The following DCPS variants were observed in gnomAD, a reference collection of about 807,000 sequenced individuals.
DCPS encodes m7GpppX diphosphatase.
DCPS carries 27 observed loss-of-function variants against 34.7 expected under a neutral mutation model. The observed-to-expected ratio is 0.78, with a 90% confidence interval of 0.57 to 1.07. DCPS has a LOEUF of 1.07. Ranked by LOEUF, DCPS falls within the 50% of genes least tolerant of loss-of-function variation. DCPS has a pLI of 0.00. For missense variants in DCPS, 464 were observed against 436.9 expected (o/e 1.06, Z -0.55); for synonymous variants, 185 against 185.7 (o/e 1.00, Z 0.03).
In DCPS at chr11:126,338,243, T is replaced by C; in HGVS notation, c.523-43T>C. 2 of 1,581,732 alleles carry C rather than the reference T, an allele frequency of 1.3e-6. No individual in the cohort carries two copies. The highest frequency in any genetic ancestry group is 1.3e-5 in the African/African-American group (1 of 74,314). On this transcript the variant is annotated intron_variant, in intron 3 of 5. Transcript: ENST00000263579. The surrounding 1 kb of genome is among the most constrained non-coding windows in gnomAD (Gnocchi z 5.4). ...TCAGTTTGGGGTATCTCTCAAGGGG[T>C]GATGAGTGGATTTGTGAACCATCTC...
intron 2 of DCPS, among the ~76,000 whole-genome samples, chr11:126,317,509 A>G (rs1038093047): frequency 2.7e-5 from 4 of 150,752 alleles, no homozygotes; most frequent in African/African-American, 9.8e-5. Context: ...TTCCTCTGGG[A>G]TCTGGTTGTT....
At chr11:126,316,086 C>A (rs1328195176) in intron 2 of DCPS, among the ~76,000 whole-genome samples, 1 of 151,982 alleles carries the variant, frequency 6.6e-6, no homozygotes. Context: ...AATCATGCTG[C>A]TTTTTAGTTT....
At chr11:126,341,177 C>T (rs1282323688) in intron 4 of DCPS, 1 of 152,186 alleles carries the variant, frequency 6.6e-6, no homozygotes, top group African/African-American at 2.4e-5. Flanking sequence ...TTTGAGTCAC[C>T]CCAGAGGTTA....
rs1017851717 is a variant in DCPS at position 126,348,237 on chromosome 11, C to T, written c.*2624C>T. Among the ~76,000 whole-genome samples, 7 of 152,308 alleles carry T rather than the reference C, an allele frequency of 4.6e-5. No individual in the cohort carries two copies. Among genetic ancestry groups the T allele is most frequent in the East Asian group, 3.9e-4 (2 of 5,184 alleles). Reference sequence around the variant, plus strand: ...ACACTCTGGAAGGTTTCTCGACTCCCCCGAGGGGCTGGCCAGTTCTGTCTT... The same window carrying T: ...ACACTCTGGAAGGTTTCTCGACTCCTCCGAGGGGCTGGCCAGTTCTGTCTT... On this transcript the variant is annotated 3_prime_UTR_variant, in exon 6 of 6. Transcript: ENST00000263579. This position sits in a 1 kb window ranked among gnomAD's most constrained non-coding sequence, Gnocchi z 5.3.
chr11:126,304,678 C>T (rs1951548601), intron 1 of DCPS, among the ~76,000 whole-genome samples: 1 of 152,178 alleles, frequency 6.6e-6, no homozygotes, highest in Non-Finnish European at 1.5e-5. Context: ...GATGTGATCT[C>T]TGCCTTACGC....
In DCPS at chr11:126,319,361, A is replaced by G. The variant is rs1335109270; in HGVS notation, c.377-12044A>G. On this transcript the variant is annotated intron_variant, in intron 2 of 5. Coordinates refer to ENST00000263579, the MANE Select transcript of DCPS (RefSeq NM_014026.6). This position sits in a 1 kb window ranked among gnomAD's most constrained non-coding sequence, Gnocchi z 4.5. ...ACCACAAATGTAGGCCAAAACAGCT[A>G]TTGTTTCTAGTTGTGAGCCAGTCTG... Among the ~76,000 whole-genome samples the G allele has an allele frequency of 1.3e-5, 2 of 152,016 alleles. No homozygotes were observed. The highest frequency in any genetic ancestry group is 2.9e-5 in the Non-Finnish European group (2 of 68,008).
At chr11:126,309,704 C>T (rs1565371099) in intron 2 of DCPS, among the ~76,000 whole-genome samples, 1 of 152,128 alleles carries the variant, frequency 6.6e-6, no homozygotes, top group Non-Finnish European at 1.5e-5. Context: ...GAAGTCGCAG[C>T]GGTTTGCTTC....
Position 126,338,502 on chromosome 11 carries a change from T to C in DCPS, c.636+103T>C, listed in dbSNP as rs1951852751. 1 of 1,072,512 alleles carries C rather than the reference T, an allele frequency of 9.3e-7. No homozygotes were observed. The highest frequency in any genetic ancestry group is 1.4e-6 in the Non-Finnish European group (1 of 704,632). 66.4% of individuals were successfully genotyped at this position (1,072,512 alleles called of 1,614,324 possible). ...TCACGCTGGCCTGTCTCTAAGCAGATTATAATTAACCAACAAGGGTTGGCC... is the reference window on the plus strand; with the variant it reads ...TCACGCTGGCCTGTCTCTAAGCAGACTATAATTAACCAACAAGGGTTGGCC... On this transcript the variant is annotated intron_variant, in intron 4 of 5. Coordinates refer to ENST00000263579, the MANE Select transcript of DCPS (RefSeq NM_014026.6). This position sits in a 1 kb window ranked among gnomAD's most constrained non-coding sequence, Gnocchi z 5.4.
Position 126,337,959 on chromosome 11 carries a change from C to T in DCPS, c.523-327C>T. Reference sequence around the variant, plus strand: ...TGGAGGGGGTCACTGCTATAGAGGGCAGACACAGCCTGGGTTTGGAGGCCT... The same window carrying T: ...TGGAGGGGGTCACTGCTATAGAGGGTAGACACAGCCTGGGTTTGGAGGCCT... On this transcript the variant is annotated intron_variant, in intron 3 of 5. Transcript: ENST00000263579. The surrounding 1 kb of genome is among the most constrained non-coding windows in gnomAD (Gnocchi z 5.3). 1 of 323,954 alleles carries T rather than the reference C, an allele frequency of 3.1e-6. No homozygotes were observed. The allele number at this position is 323,954 out of a possible 1,614,324, so 20.1% of individuals were successfully genotyped here.
In DCPS at chr11:126,312,030, G is replaced by C. The variant is rs1026369737; in HGVS notation, c.376+5286G>C. On this transcript the variant is annotated intron_variant, in intron 2 of 5. Coordinates refer to ENST00000263579, the MANE Select transcript of DCPS (RefSeq NM_014026.6). The surrounding 1 kb of genome is among the most constrained non-coding windows in gnomAD (Gnocchi z 5.1). Reference sequence around the variant, plus strand: ...ACTGCAACCCCTGCCTCCCGGGTTCGAGTGATTCTCCAGCCTCAGCCTCCC... The same window carrying C: ...ACTGCAACCCCTGCCTCCCGGGTTCCAGTGATTCTCCAGCCTCAGCCTCCC... Among the ~76,000 whole-genome samples the C allele has an allele frequency of 1.3e-5, 2 of 151,222 alleles. No individual in the cohort carries two copies. The highest frequency in any genetic ancestry group is 4.9e-5 in the African/African-American group (2 of 41,126).
At chr11:126,318,659 T>C (rs1381659191) in intron 2 of DCPS, among the ~76,000 whole-genome samples, 3 of 152,224 alleles carry the variant, frequency 2.0e-5, no homozygotes, top group African/African-American at 7.2e-5. Context: ...ACTCAGATCA[T>C]GCATTGCTGT....
intron 2 of DCPS, among the ~76,000 whole-genome samples, chr11:126,330,711 ATATATATATTTTTTTTTTTTTT>A (rs1448602893): frequency 0.018 from 443 of 25,146 alleles, no homozygotes; most frequent in Non-Finnish European, 0.023. Context: ...ATATATATAT[ATATATATATTTTTTTTTTTTTT>A]TTTTTTTTTT....
rs1422276168 is a variant in DCPS, at chr11:126,322,785, G to C, written c.377-8620G>C. ...TTTTTTTTATTTTTAGTAGAGACGG[G>C]GTTTCACCATGTTGGCCAGTCTATC... On this transcript the variant is annotated intron_variant, in intron 2 of 5. Transcript: ENST00000263579. The surrounding 1 kb of genome is among the most constrained non-coding windows in gnomAD (Gnocchi z 4.2). Among the ~76,000 whole-genome samples, 2 of 152,016 alleles carry C rather than the reference G, an allele frequency of 1.3e-5. No individual in the cohort carries two copies. The highest frequency in any genetic ancestry group is 2.9e-5 in the Non-Finnish European group (2 of 67,996).
intron 2 of DCPS, among the ~76,000 whole-genome samples, chr11:126,330,511 T>G (rs561019039): frequency 6.6e-6 from 1 of 151,572 alleles, no homozygotes; most frequent in African/African-American, 2.4e-5. Context: ...GATGAAGAAG[T>G]AGGGGCACCA....
intron 2 of DCPS, among the ~76,000 whole-genome samples, chr11:126,321,962 G>C (rs1370254537): frequency 6.6e-6 from 1 of 152,158 alleles, no homozygotes; most frequent in Non-Finnish European, 1.5e-5. Flanking sequence ...AGATAAGAAA[G>C]TCAGACGCTG....
Position 126,337,100 on chromosome 11 carries a change from C to G in DCPS, c.523-1186C>G, listed in dbSNP as rs1951838333. On this transcript the variant is annotated intron_variant, in intron 3 of 5. Transcript: ENST00000263579. The surrounding 1 kb of genome is among the most constrained non-coding windows in gnomAD (Gnocchi z 5.3). ...TGCCTCTAGCCTTCGGTGATGCTAC[C>G]TGTCCAGCACTTCTGGGAGTGGAAG... is the stretch of plus-strand genomic sequence containing the variant. 1 of 152,230 alleles carries G rather than the reference C, an allele frequency of 6.6e-6. No homozygotes were observed. The highest frequency in any genetic ancestry group is 1.5e-5 in the Non-Finnish European group (1 of 68,052). 9.4% of individuals were successfully genotyped at this position (152,230 alleles called of 1,614,324 possible).
At position 126,306,625 on chromosome 11, in the gene DCPS, A is replaced by T. The variant is rs1440295272; in HGVS notation, c.257A>T (p.Lys86Met). The change falls in exon 2 of 6, where the codon AAG (lysine) becomes ATG (methionine). Residue 86 changes from lysine (K) to methionine (M), a missense_variant. By Grantham distance (95) the Lys-to-Met change is moderately conservative. Transcript: ENST00000263579. ...GAGGATGCCGTTGTGATCCTGGAGAAGACGCCATTTCAGGTGGAACAGGTG... is the reference window on the plus strand; with the variant it reads ...GAGGATGCCGTTGTGATCCTGGAGATGACGCCATTTCAGGTGGAACAGGTG... ...DGEDAVVILE[K>M]TPFQVEQVAQ... The T allele has an allele frequency of 1.9e-6, 3 of 1,613,886 alleles. No individual in the cohort carries two copies. The highest frequency in any genetic ancestry group is 2.5e-6 in the Non-Finnish European group (3 of 1,179,878).
In DCPS at chr11:126,349,311, G is replaced by C. The variant is rs1174050631; in HGVS notation, c.*3698G>C. Among the ~76,000 whole-genome samples the C allele has an allele frequency of 1.3e-5, 2 of 152,226 alleles. No individual in the cohort carries two copies. The highest frequency in any genetic ancestry group is 2.4e-5 in the African/African-American group (1 of 41,442). On this transcript the variant is annotated 3_prime_UTR_variant, in exon 6 of 6. Transcript: ENST00000263579. The surrounding 1 kb of genome is among the most constrained non-coding windows in gnomAD (Gnocchi z 5.4). ...AGCATGCCATGCCCCCGCTCTGCTGGAGCAGTGGCAGATGTCACCCTTCCT... is the reference window on the plus strand; with the variant it reads ...AGCATGCCATGCCCCCGCTCTGCTGCAGCAGTGGCAGATGTCACCCTTCCT...
rs1354223394 is a variant in DCPS, at chr11:126,320,559, T to C, written c.377-10846T>C. 2.0e-5 allele frequency among the ~76,000 whole-genome samples: 3 copies of C among 152,102 alleles called. No homozygotes were observed. In the East Asian group the frequency reaches 5.8e-4, roughly 29 times the overall value. ...GGCTCATGCCCCTAATCCCAACACA[T>C]TGGGAGGCCAAGGTGGGTGGATTGC... On this transcript the variant is annotated intron_variant, in intron 2 of 5. Coordinates refer to ENST00000263579, the MANE Select transcript of DCPS (RefSeq NM_014026.6). The surrounding 1 kb of genome is among the most constrained non-coding windows in gnomAD (Gnocchi z 4.7).
Sources: allele counts gnomAD v4.1 joint callset (sites outside exome capture counted in the v4.1 genomes callset), GRCh38; gene constraint gnomAD v4.1.1; non-coding constraint Gnocchi (gnomAD v3.1); transcripts MANE v1.5; gene names NCBI Gene and HGNC (gene_info 2026-07-23, HGNC 2026-07-21).